The following AFG1L variants were observed in gnomAD, a reference collection of about 807,000 sequenced individuals.
The protein encoded by AFG1L is AFG1 like ATPase, also known as AFG1-like ATPase.
In AFG1L, 53 loss-of-function variants were observed where a neutral mutation model predicts 62.2. The observed-to-expected ratio is 0.85, with a 90% CI of 0.68 to 1.07. The LOEUF is 1.07. Among genes scored for constraint, AFG1L ranks in the 50% least tolerant of loss-of-function variants. The pLI, the probability that AFG1L is intolerant of heterozygous loss-of-function variation, is 0.00. For missense variants in AFG1L, 555 were observed against 590.5 expected (o/e 0.94, Z 0.62); for synonymous variants, 228 against 210.3 (o/e 1.08, Z -0.73).
At chr6:108,348,319 C>G (rs998507913) in intron 3 of AFG1L, among the ~76,000 whole-genome samples, 1 of 152,216 alleles carries the variant, frequency 6.6e-6, no homozygotes, top group African/African-American at 2.4e-5. Flanking sequence ...ACCTCGTGAT[C>G]CGCTCTCCTC....
chr6:108,460,065 C>CA (rs142506586), intron 8 of AFG1L, among the ~76,000 whole-genome samples: 8,305 of 149,648 alleles, frequency 0.055, 562 homozygotes, highest in African/African-American at 0.16. Context: ...AAAACAAAGA[C>CA]AAAACAAAAA....
At chr6:108,519,932 C>T (rs1447058325) in intron 12 of AFG1L, 122 bp downstream of exon 12, 1 of 553,388 alleles carries the variant, frequency 1.8e-6, no homozygotes, top group Admixed American at 3.6e-5. Flanking sequence ...GGCGCTTCTT[C>T]TATAAGCCCA....
chr6:108,343,356 T>TG (rs1044715651), intron 2 of AFG1L, among the ~76,000 whole-genome samples: 2 of 125,350 alleles, frequency 1.6e-5, no homozygotes, highest in Non-Finnish European at 3.9e-5. Flanking sequence ...CCAACCTTTT[T>TG]GTTTTTTTTT....
intron 5 of AFG1L, among the ~76,000 whole-genome samples, chr6:108,357,921 C>T (rs1779356314): frequency 6.6e-6 from 1 of 152,130 alleles, no homozygotes; most frequent in Non-Finnish European, 1.5e-5. Flanking sequence ...GAATTTTCAC[C>T]AGCAATGCTG....
chr6:108,364,128 T>C (rs775037687), intron 5 of AFG1L, among the ~76,000 whole-genome samples: 8 of 152,204 alleles, frequency 5.3e-5, no homozygotes, highest in Non-Finnish European at 7.3e-5. Flanking sequence ...TTCGTGGTGG[T>C]AATGAAATGC....
chr6:108,459,090 G>A (rs1240390754), intron 8 of AFG1L, among the ~76,000 whole-genome samples: 2 of 152,136 alleles, frequency 1.3e-5, no homozygotes, highest in Admixed American at 1.3e-4. Flanking sequence ...GGCCATGTAT[G>A]AGCTCCAGGG....
Position 108,515,358 on chromosome 6 carries a change from C to T in AFG1L, c.1204-4339C>T, listed in dbSNP as rs527240507. ...GGATTAAGAAACTCACTCAAAACCA[C>T]TCAACTACATGGAAACTGAACAGCC... On this transcript the variant is annotated intron_variant, in intron 11 of 12. Transcript: ENST00000368977. Among the ~76,000 whole-genome samples the T allele has an allele frequency of 2.0e-5, 3 of 152,294 alleles. No individual in the cohort carries two copies. In the East Asian group the frequency reaches 5.8e-4, roughly 29 times the overall value.
intron 9 of AFG1L, 34 bp downstream of exon 9, chr6:108,476,969 A>G: frequency 1.3e-6 from 2 of 1,566,100 alleles, no homozygotes; most frequent in East Asian, 4.5e-5. Context: ...AAGAGAATAC[A>G]TTTAGAACAC....
At chr6:108,462,414 CA>C (rs200762185) in intron 8 of AFG1L, among the ~76,000 whole-genome samples, 16 of 149,684 alleles carry the variant, frequency 1.1e-4, no homozygotes, top group Admixed American at 3.3e-4. Context: ...AAAAAACAAA[CA>C]AAAAAAAACA....
In AFG1L at chr6:108,477,263, G is replaced by C; in HGVS notation, c.1033G>C (p.Asp345His). ...GAATAAAGCCTGTGGAACCGTTGCC[G>C]ACTGCACATTTGAAGAGCTGTGTGA... ...RLNKACGTVA[D>H]CTFEELCERP... Residue 345 changes from aspartate to histidine, a missense_variant, in exon 10 of 13, where the codon GAC becomes CAC. Coordinates refer to ENST00000368977, the MANE Select transcript of AFG1L (RefSeq NM_145315.5). The C allele has an allele frequency of 6.2e-7, 1 of 1,608,938 alleles. No individual in the cohort carries two copies. The highest frequency in any genetic ancestry group is 8.5e-7 in the Non-Finnish European group (1 of 1,176,448).
chr6:108,318,130 T>C (rs753469777), intron 1 of AFG1L: 15 of 174,068 alleles, frequency 8.6e-5, no homozygotes, highest in Non-Finnish European at 1.8e-4. Context: ...GTGTGGCATG[T>C]GCCAAGTACC....
chr6:108,505,625 C>G (rs146504251), intron 10 of AFG1L, among the ~76,000 whole-genome samples: 351 of 152,074 alleles, frequency 2.3e-3, no homozygotes, highest in African/African-American at 8.1e-3. Flanking sequence ...CAGAAGGGAT[C>G]TAGAGATAAT....
At chr6:108,401,431 C>A (rs748490729) in intron 6 of AFG1L, among the ~76,000 whole-genome samples, 2 of 152,006 alleles carry the variant, frequency 1.3e-5, no homozygotes, top group Non-Finnish European at 2.9e-5. Context: ...CGTGAGCCAC[C>A]GCGCCCGGCC....
At chr6:108,350,789 T>G (rs1332632359) in intron 3 of AFG1L, among the ~76,000 whole-genome samples, 1 of 152,208 alleles carries the variant, frequency 6.6e-6, no homozygotes, top group Non-Finnish European at 1.5e-5. Context: ...TCCTGCTGCC[T>G]CCTGGTTTCA....
chr6:108,371,164 A>C (rs1476098673), intron 6 of AFG1L, among the ~76,000 whole-genome samples: 1 of 152,158 alleles, frequency 6.6e-6, no homozygotes, highest in Non-Finnish European at 1.5e-5. Context: ...GCTTGTGATT[A>C]CTACTTTATT....
intron 1 of AFG1L, among the ~76,000 whole-genome samples, chr6:108,301,741 C>T (rs1777009495): frequency 1.3e-5 from 2 of 152,130 alleles, no homozygotes; most frequent in African/African-American, 4.8e-5. Flanking sequence ...TTTCCATGAA[C>T]GGGGCAACTG....
At chr6:108,393,498 A>G (rs980304910) in intron 6 of AFG1L, among the ~76,000 whole-genome samples, 1 of 152,138 alleles carries the variant, frequency 6.6e-6, no homozygotes, top group East Asian at 1.9e-4. Flanking sequence ...TTTTTTAAAA[A>G]GTTCATCCTT....
At chr6:108,398,891 GT>G (rs1781430628) in intron 6 of AFG1L, among the ~76,000 whole-genome samples, 1 of 152,146 alleles carries the variant, frequency 6.6e-6, no homozygotes, top group Non-Finnish European at 1.5e-5. Flanking sequence ...GATTTCTGCA[GT>G]TTTGTTATTT....
chr6:108,321,130 A>T (rs139584505), intron 1 of AFG1L, among the ~76,000 whole-genome samples: 242 of 152,268 alleles, frequency 1.6e-3, no homozygotes, highest in African/African-American at 4.9e-3. Flanking sequence ...CCCACTTCAC[A>T]TGCCAGCTGC....
Sources: allele counts gnomAD v4.1 joint callset (sites outside exome capture counted in the v4.1 genomes callset), GRCh38; gene constraint gnomAD v4.1.1; transcripts MANE v1.5; gene names NCBI Gene and HGNC (gene_info 2026-07-23, HGNC 2026-07-21).